IFNGR2: variants seen among roughly 807,000 people sequenced by gnomAD.
IFNGR2 encodes interferon gamma receptor 2.
In IFNGR2, 15 loss-of-function variants were observed where a neutral mutation model predicts 41.1. The ratio of observed to expected loss-of-function variants is 0.37; its 90% CI spans 0.24 to 0.56. The LOEUF is 0.56. Ranked by LOEUF, IFNGR2 falls within the 20% of genes least tolerant of loss-of-function variation. The pLI, the probability that IFNGR2 is intolerant of heterozygous loss-of-function variation, is 0.81. For synonymous variants in IFNGR2, 161 were observed against 171.6 expected (o/e 0.94, Z 0.48); for missense variants, 362 against 415.7 (o/e 0.87, Z 1.12).
chr21:33,403,623 C>A lies in IFNGR2; in HGVS notation c.73+7C>A. ...GCCGCCGCGGCCCCGCCAGGTGAGC[C>A]GGGCCTGGGCCTCCGCGGCGGGACG... On this transcript the variant is annotated splice_region_variant and intron_variant, in intron 1 of 6. Transcript: ENST00000290219. 2 of 1,326,772 alleles carry A rather than the reference C, an allele frequency of 1.5e-6. No homozygotes were observed. Among genetic ancestry groups the A allele is most frequent in the Admixed American group, 7.6e-5 (2 of 26,292 alleles). The allele number at this position is 1,326,772 out of a possible 1,614,324, so 82.2% of individuals were successfully genotyped here.
intron 1 of IFNGR2, among the ~76,000 whole-genome samples, chr21:33,407,848 C>G (rs1224440997): frequency 7.0e-6 from 1 of 142,528 alleles, no homozygotes; most frequent in Admixed American, 7.0e-5. Flanking sequence ...CCCACCGCAC[C>G]CCCCCCCGCC....
At chr21:33,418,028 ATTTATTTATTTT>A (rs1244376308) in intron 2 of IFNGR2, among the ~76,000 whole-genome samples, 2 of 151,610 alleles carry the variant, frequency 1.3e-5, no homozygotes, top group Non-Finnish European at 1.5e-5. Context: ...TTATTTATTT[ATTTATTTATTTT>A]GAGACAGAGT....
chr21:33,419,459 TTGTGTGTGTG>T (rs35945253), intron 2 of IFNGR2, among the ~76,000 whole-genome samples: 10 of 149,988 alleles, frequency 6.7e-5, no homozygotes, highest in Non-Finnish European at 1.5e-4. Context: ...TGTTTGAAAA[TTGTGTGTGTG>T]TGTGTGTGTG....
chr21:33,420,957 G>A (rs2083787242), intron 2 of IFNGR2, among the ~76,000 whole-genome samples: 1 of 152,154 alleles, frequency 6.6e-6, no homozygotes, highest in African/African-American at 2.4e-5. Context: ...AGCACTTTGG[G>A]AGGCCGAGGT....
intron 3 of IFNGR2, among the ~76,000 whole-genome samples, chr21:33,425,683 G>T (rs1410033857): frequency 6.6e-6 from 1 of 152,192 alleles, no homozygotes; most frequent in Non-Finnish European, 1.5e-5. Context: ...TATGGCTGGT[G>T]GTGGGCCAGG....
Position 33,416,501 on chromosome 21 carries a change from C to T in IFNGR2, c.206+1481C>T, listed in dbSNP as rs1434851255. 3.3e-5 allele frequency among the ~76,000 whole-genome samples: 5 copies of T among 152,078 alleles called. No homozygotes were observed. The South Asian group carries it at 6.2e-4, about 19-fold the overall frequency. Reference sequence around the variant, plus strand: ...TTTATTGTCAAGAATAGAAAGGGGCCGATCATGGTGGCTCACACCTGTAAA... The same window carrying T: ...TTTATTGTCAAGAATAGAAAGGGGCTGATCATGGTGGCTCACACCTGTAAA... On this transcript the variant is annotated intron_variant, in intron 2 of 6. Coordinates refer to ENST00000290219, the MANE Select transcript of IFNGR2 (RefSeq NM_005534.4).
At chr21:33,430,981 C>T (rs188471179) in intron 4 of IFNGR2, among the ~76,000 whole-genome samples, 21 of 152,276 alleles carry the variant, frequency 1.4e-4, no homozygotes, top group African/African-American at 5.1e-4. Context: ...TGGTATGGGA[C>T]AATGACAGCC....
chr21:33,409,779 A>G (rs9976572), intron 1 of IFNGR2, among the ~76,000 whole-genome samples: 9,669 of 152,198 alleles, frequency 0.064, 927 homozygotes, highest in African/African-American at 0.21. Context: ...ATATGTGAAA[A>G]TGTGTCGTTA....
At chr21:33,425,803 G>A (rs1486648264) in intron 3 of IFNGR2, among the ~76,000 whole-genome samples, 1 of 152,186 alleles carries the variant, frequency 6.6e-6, no homozygotes, top group African/African-American at 2.4e-5. Flanking sequence ...AGAGAAGCTT[G>A]GCCAGATCAT....
intron 3 of IFNGR2, among the ~76,000 whole-genome samples, chr21:33,424,986 T>C (rs941268111): frequency 6.6e-6 from 1 of 152,190 alleles, no homozygotes; most frequent in African/African-American, 2.4e-5. Context: ...CTCGGCTCAC[T>C]GCAACCTCTG....
At chr21:33,421,352 C>T (rs879238556) in intron 2 of IFNGR2, 128 bp from the exon 3 acceptor site, 13 of 565,476 alleles carry the variant, frequency 2.3e-5, no homozygotes, top group South Asian at 8.8e-5. Context: ...AAAAAAAAAG[C>T]GGGGGGGAAC....
intron 1 of IFNGR2, among the ~76,000 whole-genome samples, chr21:33,406,356 C>T (rs2083677607): frequency 6.6e-6 from 1 of 150,920 alleles, no homozygotes; most frequent in African/African-American, 2.4e-5. Context: ...GCCTGGGTGA[C>T]AGAGCAAGAC....
intron 3 of IFNGR2, among the ~76,000 whole-genome samples, chr21:33,426,679 A>G (rs755652308): frequency 1.5e-4 from 23 of 151,966 alleles, no homozygotes; most frequent in South Asian, 6.2e-4. Context: ...GAGATCGCAC[A>G]ACTGCACTCT....
At chr21:33,418,658 A>G (rs1377846916) in intron 2 of IFNGR2, among the ~76,000 whole-genome samples, 1 of 152,178 alleles carries the variant, frequency 6.6e-6, no homozygotes, top group Non-Finnish European at 1.5e-5. Flanking sequence ...CCAAAATTAC[A>G]TGGAGCACTT....
rs756768721 is a variant in IFNGR2, at chr21:33,437,126, CTTTT to C, written c.*174_*177del. On this transcript the variant is annotated 3_prime_UTR_variant, in exon 7 of 7. Coordinates refer to ENST00000290219, the MANE Select transcript of IFNGR2 (RefSeq NM_005534.4). Reference sequence around the variant, plus strand: ...CAGCAGGTCTCATGGGGGTGACAAGCTTTTTTTTTTTTTCTTAAAGAATTTTCAA... The same window carrying C: ...CAGCAGGTCTCATGGGGGTGACAAGCTTTTTTTTTCTTAAAGAATTTTCAA... 2.4e-5 allele frequency: 12 copies of C among 490,318 alleles called. No individual in the cohort carries two copies. In the Middle Eastern group the frequency reaches 2.7e-3, roughly 112 times the overall value. The allele number at this position is 490,318 out of a possible 1,614,324, so 30.4% of individuals were successfully genotyped here.
intron 1 of IFNGR2, among the ~76,000 whole-genome samples, chr21:33,409,442 A>C (rs1241346257): frequency 1.3e-5 from 2 of 152,162 alleles, no homozygotes; most frequent in African/African-American, 2.4e-5. Flanking sequence ...GCGACACTGC[A>C]CTCCAGCCTG....
In IFNGR2 at chr21:33,436,977, C is replaced by A; in HGVS notation, c.*15C>A. On this transcript the variant is annotated 3_prime_UTR_variant, in exon 7 of 7. Transcript: ENST00000290219. ...AAACGCTTTGAACCAAAGCATGGGC[C>A]TAGCCCACTGGCTCCCTGGAAGAGA... 1 of 1,613,722 alleles carries A rather than the reference C, an allele frequency of 6.2e-7. No individual in the cohort carries two copies. The highest frequency in any genetic ancestry group is 8.5e-7 in the Non-Finnish European group (1 of 1,179,720).
At position 33,403,627 on chromosome 21, in the gene IFNGR2, C is replaced by A; in HGVS notation, c.73+11C>A. The A allele has an allele frequency of 7.6e-7, 1 of 1,322,050 alleles. No homozygotes were observed. 81.9% of individuals were successfully genotyped at this position (1,322,050 alleles called of 1,614,324 possible). A position where few individuals can be genotyped will look rare whatever the true frequency, so the allele number is the denominator to read the frequency against. The stretch of plus-strand genomic sequence containing the variant: ...CCGCGGCCCCGCCAGGTGAGCCGGG[C>A]CTGGGCCTCCGCGGCGGGACGCGGG... On this transcript the variant is annotated intron_variant, in intron 1 of 6. Transcript: ENST00000290219.
At chr21:33,416,677 C>T (rs1031429382) in intron 2 of IFNGR2, among the ~76,000 whole-genome samples, 8 of 151,970 alleles carry the variant, frequency 5.3e-5, no homozygotes, top group African/African-American at 1.4e-4. Context: ...AAAAAATTAG[C>T]TGGGTGTAGT....
Sources: allele counts gnomAD v4.1 joint callset (sites outside exome capture counted in the v4.1 genomes callset), GRCh38; gene constraint gnomAD v4.1.1; transcripts MANE v1.5; gene names NCBI Gene and HGNC (gene_info 2026-07-23, HGNC 2026-07-21).